AKAP13: variants seen among roughly 807,000 people sequenced by gnomAD.
The protein encoded by AKAP13 is A-kinase anchor protein 13.
Under a neutral mutation model 264.5 loss-of-function variants are expected in AKAP13, and 80 were observed. That is an observed-to-expected ratio of 0.30 (90% CI 0.25 to 0.36). AKAP13 has a LOEUF of 0.36. Among genes scored for constraint, AKAP13 ranks in the 10% least tolerant of loss-of-function variants. The pLI is 1.00. For synonymous variants in AKAP13, 1,380 were observed against 1,250.2 expected (o/e 1.10, Z -2.19); for missense variants, 3,712 against 3,435.2 (o/e 1.08, Z -2.01).
intron 25 of AKAP13, 53 bp downstream of exon 25, chr15:85,722,400 G>T: frequency 2.1e-6 from 3 of 1,444,608 alleles, no homozygotes; most frequent in Non-Finnish European, 2.8e-6. Flanking sequence ...TTTCCTCTGT[G>T]GCCAGTAGTA....
intron 2 of AKAP13, among the ~76,000 whole-genome samples, chr15:85,505,403 A>G (rs2076186303): frequency 6.6e-6 from 1 of 152,256 alleles, no homozygotes; most frequent in African/African-American, 2.4e-5. Context: ...AGTATTTAAA[A>G]TAATAGTTTT....
At chr15:85,684,640 A>G in intron 15 of AKAP13, 101 bp from the exon 16 acceptor site, 2 of 1,292,156 alleles carry the variant, frequency 1.5e-6, no homozygotes, top group Non-Finnish European at 2.1e-6. Flanking sequence ...CATACTCTAT[A>G]AAAAGCCATT....
At position 85,521,313 on chromosome 15, in the gene AKAP13, G is replaced by T. The variant is rs147831005; in HGVS notation, c.34-115G>T. On this transcript the variant is annotated intron_variant, in intron 2 of 36. Transcript: ENST00000394518. ...TATACTTGTTTCAGCTTACCAGAAT[G>T]GGGGCATGGTTTAGATGATAAATTT... 4,254 of 1,243,932 alleles carry T rather than the reference G, an allele frequency of 3.4e-3. 10 individuals carry two copies. Among genetic ancestry groups the T allele is most frequent in the Non-Finnish European group, 4.4e-3 (3,858 of 875,730 alleles). The allele number at this position is 1,243,932 out of a possible 1,614,324, so 77.1% of individuals were successfully genotyped here.
intron 8 of AKAP13, among the ~76,000 whole-genome samples, chr15:85,604,556 C>T (rs148959236): frequency 0.012 from 1,764 of 151,936 alleles, 114 homozygotes; most frequent in Admixed American, 0.1. Flanking sequence ...CTCTGCCTCC[C>T]GGGTTCAAGC....
chr15:85,396,333 G>C (rs545719400), intron 1 of AKAP13, among the ~76,000 whole-genome samples: 2 of 152,214 alleles, frequency 1.3e-5, no homozygotes, highest in Admixed American at 6.5e-5. Context: ...TTCATCATTG[G>C]CATATGGATG....
Position 85,580,058 on chromosome 15 carries a change from G to A in AKAP13, c.1990G>A (p.Asp664Asn). ...STTGDDKLCA[D>N]SACQQNTVTS... ...AACTGGAGACGATAAACTTTGTGCA[G>A]ACTCTGCATGTCAACAGAACACAGT... The change falls in exon 7 of 37, where the codon GAC becomes AAC. Residue 664 changes from aspartate (D) to asparagine (N), a missense_variant. This residue lies in a region of AKAP13 where 2,759 missense variants were observed against 2,411.7 expected (regional missense o/e 1.14). Transcript: ENST00000394518. 6.2e-7 allele frequency: 1 copy of A among 1,614,184 alleles called. No individual in the cohort carries two copies. Among genetic ancestry groups the A allele is most frequent in the Non-Finnish European group, 8.5e-7 (1 of 1,180,034 alleles).
chr15:85,538,976 G>T (rs2077494737), intron 4 of AKAP13, among the ~76,000 whole-genome samples: 1 of 150,060 alleles, frequency 6.7e-6, no homozygotes, highest in East Asian at 2.0e-4. Context: ...GACTACAGGT[G>T]CCCGCCACCA....
At chr15:85,541,687 T>G (rs2077585468) in intron 4 of AKAP13, among the ~76,000 whole-genome samples, 1 of 152,206 alleles carries the variant, frequency 6.6e-6, no homozygotes, top group South Asian at 2.1e-4. Context: ...TCTGCCTTCA[T>G]TTGCACAATG....
chr15:85,575,399 G>A lies in AKAP13; in HGVS notation c.861+70G>A, dbSNP rs147515972. The A allele has an allele frequency of 9.7e-4, 1,395 of 1,430,858 alleles. 13 individuals carry two copies. The African/African-American group carries it at 0.014, about 14-fold the overall frequency. 88.6% of individuals were successfully genotyped at this position (1,430,858 alleles called of 1,614,324 possible). A position where few individuals can be genotyped will look rare whatever the true frequency, so the allele number is the denominator to read the frequency against. ...GTGTGTTTTGTATGTGTGTGTCCCC[G>A]CCCTCCTCCAATGAACCTTGATATA... is the stretch of plus-strand genomic sequence containing the variant. On this transcript the variant is annotated intron_variant, in intron 6 of 36. Coordinates refer to ENST00000394518, the MANE Select transcript of AKAP13 (RefSeq NM_007200.5).
chr15:85,659,967 A>G (rs916319687), intron 12 of AKAP13, among the ~76,000 whole-genome samples: 18 of 152,286 alleles, frequency 1.2e-4, no homozygotes, highest in African/African-American at 3.6e-4. Flanking sequence ...ATGCTTTCCA[A>G]AATACTCTTA....
chr15:85,474,949 G>T (rs1158452807), intron 1 of AKAP13, among the ~76,000 whole-genome samples: 1 of 152,190 alleles, frequency 6.6e-6, no homozygotes, highest in African/African-American at 2.4e-5. Flanking sequence ...GGCCGTGCCT[G>T]CCTTGGAAAT....
At position 85,731,241 on chromosome 15, in the gene AKAP13, A is replaced by C. The variant is rs2088001396; in HGVS notation, c.7282+534A>C. On this transcript the variant is annotated intron_variant, in intron 30 of 36. Transcript: ENST00000394518. ...AGCTGGTCTCAAACTCCTGACCTCA[A>C]GTTATCCACCCACCTTGGCCTCTCA... Among the ~76,000 whole-genome samples, 3 of 152,052 alleles carry C rather than the reference A, an allele frequency of 2.0e-5. No individual in the cohort carries two copies. The South Asian group carries it at 6.2e-4, about 31-fold the overall frequency.
At chr15:85,717,480 A>G (rs576589043) in intron 21 of AKAP13, 78 bp downstream of exon 21, 2 of 978,372 alleles carry the variant, frequency 2.0e-6, no homozygotes, top group South Asian at 1.5e-5. Context: ...ATAAGTCTTA[A>G]TGGAGTGACA....
intron 8 of AKAP13, among the ~76,000 whole-genome samples, chr15:85,594,898 G>T (rs561787279): frequency 6.6e-6 from 1 of 152,218 alleles, no homozygotes; most frequent in African/African-American, 2.4e-5. Flanking sequence ...TTACGGAGTT[G>T]TCCACTATAT....
At chr15:85,735,984 G>A in intron 32 of AKAP13, 106 bp from the exon 33 acceptor site, 1 of 912,820 alleles carries the variant, frequency 1.1e-6, no homozygotes, top group Non-Finnish European at 1.8e-6. Flanking sequence ...CTTAGTGAGA[G>A]GCTGTGGTAG....
chr15:85,546,346 A>ACG (rs2077743330), intron 5 of AKAP13, among the ~76,000 whole-genome samples: 1 of 151,912 alleles, frequency 6.6e-6, no homozygotes, highest in Non-Finnish European at 1.5e-5. Context: ...ACACACACAC[A>ACG]CACACACACA....
At chr15:85,683,930 G>T (rs418776) in intron 15 of AKAP13, among the ~76,000 whole-genome samples, 9 of 152,204 alleles carry the variant, frequency 5.9e-5, no homozygotes, top group African/African-American at 1.7e-4. Flanking sequence ...CCTCAATTCT[G>T]TCTGCTCCTC....
intron 20 of AKAP13, among the ~76,000 whole-genome samples, chr15:85,716,850 A>G (rs965059992): frequency 6.6e-6 from 1 of 152,208 alleles, no homozygotes. Flanking sequence ...TCACACATCA[A>G]TTGGGTGCCT....
chr15:85,738,924 GA>G (rs1468557597), intron 33 of AKAP13, among the ~76,000 whole-genome samples: 3 of 150,842 alleles, frequency 2.0e-5, no homozygotes, highest in Non-Finnish European at 4.4e-5. Flanking sequence ...GTATATGTGT[GA>G]ATAGTACAAA....
Sources: allele counts gnomAD v4.1 joint callset (sites outside exome capture counted in the v4.1 genomes callset), GRCh38; gene constraint gnomAD v4.1.1; regional missense constraint gnomAD v4.1.1; transcripts MANE v1.5; gene names NCBI Gene and HGNC (gene_info 2026-07-23, HGNC 2026-07-21).